The following USP49 variants were observed in gnomAD, a reference collection of about 807,000 sequenced individuals.
USP49 encodes the protein ubiquitin carboxyl-terminal hydrolase 49.
In USP49, 24 loss-of-function variants were observed where a neutral mutation model predicts 58.6. The ratio of observed to expected loss-of-function variants is 0.41; its 90% CI spans 0.30 to 0.58. The LOEUF (loss-of-function observed/expected upper bound fraction) is 0.58. USP49 is among the 20% of genes least tolerant of loss of function. USP49 has a pLI of 0.30. For synonymous variants in USP49, 408 were observed against 365.1 expected (o/e 1.12, Z -1.34); for missense variants, 703 against 866.1 (o/e 0.81, Z 2.36).
chr6:41,852,666 A>G (rs927197552), intron 3 of USP49, among the ~76,000 whole-genome samples: 1 of 152,214 alleles, frequency 6.6e-6, no homozygotes, highest in African/African-American at 2.4e-5. Flanking sequence ...CAATATACAG[A>G]TTCGATGCAA....
Position 41,886,116 on chromosome 6 carries a change from T to C in USP49, c.-103+5678A>G, listed in dbSNP as rs1032917826. Among the ~76,000 whole-genome samples, 18 of 152,354 alleles carry C rather than the reference T, an allele frequency of 1.2e-4. No individual in the cohort carries two copies. The East Asian group carries it at 3.3e-3, about 28-fold the overall frequency. ...CCATATTTAACTTTTTTATATGCAA[T>C]GTTTATTAACCTGACCTTTGACCTC... is the stretch of plus-strand genomic sequence containing the variant. On this transcript the variant is annotated intron_variant, in intron 2 of 7. Coordinates refer to ENST00000682992, the MANE Select transcript of USP49 (RefSeq NM_001286554.2).
At chr6:41,813,007 G>C (rs540356629) in intron 3 of USP49, among the ~76,000 whole-genome samples, 21 of 152,056 alleles carry the variant, frequency 1.4e-4, no homozygotes, top group Non-Finnish European at 1.6e-4. Flanking sequence ...ATATATTACA[G>C]TGCTGTCCAG....
At chr6:41,850,462 A>AAAAAT (rs1554146452) in intron 3 of USP49, among the ~76,000 whole-genome samples, 1 of 146,794 alleles carries the variant, frequency 6.8e-6, no homozygotes, top group East Asian at 2.0e-4. Flanking sequence ...AAAAAAAAAA[A>AAAAAT]AAATAAATAA....
At chr6:41,861,391 C>T (rs1774220239) in intron 3 of USP49, among the ~76,000 whole-genome samples, 1 of 151,524 alleles carries the variant, frequency 6.6e-6, no homozygotes, top group African/African-American at 2.4e-5. Context: ...TGCAGTGAGC[C>T]AAGATCGCGC....
chr6:41,803,479 T>C lies in USP49; in HGVS notation c.1561+327A>G, dbSNP rs778285737. On this transcript the variant is annotated intron_variant, in intron 5 of 7. Transcript: ENST00000682992. The surrounding 1 kb of genome is among the most constrained non-coding windows in gnomAD (Gnocchi z 4.1). ...CCACTATGCCCAGCTAATTTTTGTA[T>C]TTTTAGTAGAGACAGGGTTTCACCA... Among the ~76,000 whole-genome samples, 3 of 152,212 alleles carry C rather than the reference T, an allele frequency of 2.0e-5. No homozygotes were observed. Among genetic ancestry groups the C allele is most frequent in the Non-Finnish European group, 4.4e-5 (3 of 68,032 alleles).
intron 3 of USP49, among the ~76,000 whole-genome samples, chr6:41,862,403 A>C: frequency 6.6e-6 from 1 of 152,194 alleles, no homozygotes; most frequent in East Asian, 1.9e-4. Context: ...TTGTTTGTAC[A>C]TCTTTAGTTA....
At chr6:41,859,865 A>C (rs1774190604) in intron 3 of USP49, among the ~76,000 whole-genome samples, 1 of 152,222 alleles carries the variant, frequency 6.6e-6, no homozygotes, top group Non-Finnish European at 1.5e-5. Context: ...CAGTAAAATA[A>C]ACTAGAATAC....
chr6:41,808,720 T>G (rs1773189435), intron 3 of USP49, among the ~76,000 whole-genome samples: 1 of 151,986 alleles, frequency 6.6e-6, no homozygotes, highest in South Asian at 2.1e-4. Context: ...GCTATACAAC[T>G]ATTTTAAAAG....
intron 3 of USP49, among the ~76,000 whole-genome samples, chr6:41,850,441 T>A (rs1774005751): frequency 6.8e-6 from 1 of 147,414 alleles, no homozygotes; most frequent in Admixed American, 6.9e-5. Flanking sequence ...AGACTCAGCC[T>A]CTAAGGAAAG....
intron 3 of USP49, among the ~76,000 whole-genome samples, chr6:41,857,928 C>A (rs1017773522): frequency 6.6e-6 from 1 of 152,204 alleles, no homozygotes; most frequent in African/African-American, 2.4e-5. Context: ...ACTTCTCTCT[C>A]AGTAGAAGCA....
At chr6:41,887,677 T>C (rs1774737465) in intron 2 of USP49, among the ~76,000 whole-genome samples, 1 of 152,248 alleles carries the variant, frequency 6.6e-6, no homozygotes, top group Non-Finnish European at 1.5e-5. Flanking sequence ...AACCAACATC[T>C]GCCCCCAATC....
intron 3 of USP49, among the ~76,000 whole-genome samples, chr6:41,815,004 T>C (rs1049535204): frequency 6.6e-6 from 1 of 152,114 alleles, no homozygotes; most frequent in African/African-American, 2.4e-5. Flanking sequence ...CATTTACAAA[T>C]AATAAATGTT....
At chr6:41,849,791 A>C (rs1773989836) in intron 3 of USP49, among the ~76,000 whole-genome samples, 1 of 152,020 alleles carries the variant, frequency 6.6e-6, no homozygotes, top group East Asian at 1.9e-4. Context: ...GTATTTTAGT[A>C]GAGACAAGGT....
chr6:41,843,696 T>G (rs1247401195), intron 3 of USP49, among the ~76,000 whole-genome samples: 1 of 152,020 alleles, frequency 6.6e-6, no homozygotes, highest in Non-Finnish European at 1.5e-5. Context: ...GTTCCTGAGC[T>G]CAGGAGTTCC....
At chr6:41,818,413 A>C (rs1773394651) in intron 3 of USP49, among the ~76,000 whole-genome samples, 1 of 152,176 alleles carries the variant, frequency 6.6e-6, no homozygotes, top group East Asian at 1.9e-4. Context: ...TCTGCAGAGA[A>C]GTGGCAGCCA....
At chr6:41,822,684 A>G (rs1028236151) in intron 3 of USP49, among the ~76,000 whole-genome samples, 9 of 152,120 alleles carry the variant, frequency 5.9e-5, no homozygotes, top group Non-Finnish European at 1.3e-4. Context: ...CATCTCTACT[A>G]AAAATACAAA....
chr6:41,855,253 G>A (rs902205755), intron 3 of USP49, among the ~76,000 whole-genome samples: 6 of 151,022 alleles, frequency 4.0e-5, no homozygotes, highest in Non-Finnish European at 8.8e-5. Context: ...GGTGGCTCAC[G>A]CCTGTAATCT....
intron 1 of USP49, among the ~76,000 whole-genome samples, chr6:41,892,895 T>C (rs926619355): frequency 1.3e-5 from 2 of 152,250 alleles, no homozygotes; most frequent in African/African-American, 2.4e-5. Context: ...TATTCATTCA[T>C]ATTCTTAGCT....
chr6:41,841,334 A>G (rs2127346786), intron 3 of USP49, among the ~76,000 whole-genome samples: 1 of 152,312 alleles, frequency 6.6e-6, no homozygotes, highest in South Asian at 2.1e-4. Context: ...CCCTGCCTTC[A>G]AGGAGCTTAC....
Sources: gnomAD v4.1 joint callset for allele counts (sites outside exome capture counted in the v4.1 genomes callset) on GRCh38, gnomAD v4.1.1 for gene constraint, Gnocchi (gnomAD v3.1) non-coding constraint, MANE v1.5 for transcripts, NCBI Gene and HGNC (gene_info 2026-07-23, HGNC 2026-07-21) for gene names.